STK3: variants seen among roughly 807,000 people sequenced by gnomAD.
The protein encoded by STK3 is serine/threonine kinase 3, also known as serine/threonine-protein kinase 3.
Under a neutral mutation model 58.0 loss-of-function variants are expected in STK3, and 41 were observed. That is an observed-to-expected ratio of 0.71 (90% CI 0.55 to 0.92). The LOEUF (loss-of-function observed/expected upper bound fraction) is 0.92, where lower values mean the gene tolerates loss of function less well. STK3 is among the 40% of genes least tolerant of loss of function. The pLI is 0.00. For synonymous variants in STK3, 170 were observed against 191.0 expected (o/e 0.89, Z 0.91); for missense variants, 479 against 602.7 (o/e 0.79, Z 2.15).
At chr8:98,628,788 G>T (rs1180983349) in intron 6 of STK3, among the ~76,000 whole-genome samples, 3 of 112,228 alleles carry the variant, frequency 2.7e-5, no homozygotes, top group African/African-American at 7.5e-5. Flanking sequence ...GGCAATAGAG[G>T]AATATCCTGT....
intron 3 of STK3, among the ~76,000 whole-genome samples, chr8:98,845,128 T>G (rs1366813655): frequency 6.6e-6 from 1 of 152,204 alleles, no homozygotes; most frequent in African/African-American, 2.4e-5. Context: ...TCTAATAACT[T>G]TCTTTTTTTA....
intron 1 of STK3, among the ~76,000 whole-genome samples, chr8:98,808,447 T>A (rs903305176): frequency 6.6e-6 from 1 of 152,358 alleles, no homozygotes; most frequent in African/African-American, 2.4e-5. Context: ...GTGGACAGGT[T>A]GTAACTTCTG....
At chr8:98,863,084 G>T (rs1038409898) in intron 3 of STK3, among the ~76,000 whole-genome samples, 1 of 152,196 alleles carries the variant, frequency 6.6e-6, no homozygotes, top group Non-Finnish European at 1.5e-5. Context: ...TCTGGGTGGA[G>T]ACATGGTCGA....
intron 7 of STK3, among the ~76,000 whole-genome samples, chr8:98,591,011 A>G (rs562608247): frequency 1.3e-5 from 2 of 152,284 alleles, no homozygotes; most frequent in Non-Finnish European, 2.9e-5. Flanking sequence ...GCTAATCTTA[A>G]AATGCCTTTA....
At chr8:98,567,045 C>A (rs1812536241) in intron 8 of STK3, among the ~76,000 whole-genome samples, 1 of 152,054 alleles carries the variant, frequency 6.6e-6, no homozygotes, top group Admixed American at 6.6e-5. Flanking sequence ...TGAACACAAA[C>A]AAGAGGTTGC....
chr8:98,641,339 T>G (rs2096637460), intron 6 of STK3, among the ~76,000 whole-genome samples: 1 of 152,212 alleles, frequency 6.6e-6, no homozygotes, highest in Admixed American at 6.5e-5. Context: ...GCAAAGGTGT[T>G]GGTTGACTGC....
chr8:98,696,253 T>G (rs992433747), intron 6 of STK3, among the ~76,000 whole-genome samples: 1 of 152,224 alleles, frequency 6.6e-6, no homozygotes, highest in Non-Finnish European at 1.5e-5. Context: ...AGGGAGATTT[T>G]GGGCTGAGAC....
At chr8:98,601,447 G>C (rs533750897) in intron 6 of STK3, 2 of 152,118 alleles carry the variant, frequency 1.3e-5, no homozygotes. Flanking sequence ...AACACTTAAA[G>C]AACTTTATCA....
intron 6 of STK3, among the ~76,000 whole-genome samples, chr8:98,609,729 C>G (rs12680602): frequency 0.32 from 48,010 of 151,904 alleles, 7,969 homozygotes; most frequent in East Asian, 0.46. Flanking sequence ...GGGAGGCTGA[C>G]GCGGGTGGAT....
intron 1 of STK3, among the ~76,000 whole-genome samples, chr8:98,824,229 C>T (rs1835100231): frequency 1.3e-5 from 2 of 152,210 alleles, no homozygotes; most frequent in South Asian, 4.1e-4. Flanking sequence ...AAAAGTGCAA[C>T]CACCACTTTG....
chr8:98,415,565 A>G (rs915146176), intron 3 of STK3, among the ~76,000 whole-genome samples: 1 of 152,182 alleles, frequency 6.6e-6, no homozygotes, highest in Non-Finnish European at 1.5e-5. Context: ...TGTGCCTGCA[A>G]CCACAATTCT....
chr8:98,514,303 T>C lies in STK3; in HGVS notation c.1317+12439A>G, dbSNP rs796506730. On this transcript the variant is annotated intron_variant, in intron 10 of 10. Coordinates refer to ENST00000419617, the MANE Select transcript of STK3 (RefSeq NM_006281.4). ...AGTGACCAAAAAGTTGTAGCATTTG[T>C]CCAAAGGCATAGTTAAGAGTCAGAA... 5.3e-5 allele frequency among the ~76,000 whole-genome samples: 8 copies of C among 152,188 alleles called. 1 individual carries two copies. The highest frequency in any genetic ancestry group is 1.7e-4 in the African/African-American group (7 of 41,538).
chr8:98,752,941 A>G (rs908361589), intron 3 of STK3, among the ~76,000 whole-genome samples: 2 of 137,696 alleles, frequency 1.5e-5, no homozygotes, highest in African/African-American at 5.0e-5. Context: ...CTATTATTAA[A>G]AAGTCAAAAA....
At chr8:98,344,067 G>C in the STK3 span, among the ~76,000 whole-genome samples, 4 of 152,158 alleles carry the variant, frequency 2.6e-5, no homozygotes, top group African/African-American at 9.7e-5. Flanking sequence ...TGAAAGGATG[G>C]TTACTAAAAT....
intron 3 of STK3, among the ~76,000 whole-genome samples, chr8:98,754,654 C>T (rs1029978734): frequency 1.3e-5 from 2 of 151,956 alleles, no homozygotes; most frequent in South Asian, 2.1e-4. Flanking sequence ...GGATTACAGG[C>T]CTGTGTCACC....
chr8:98,637,705 T>A (rs964078168), intron 6 of STK3, among the ~76,000 whole-genome samples: 8 of 152,188 alleles, frequency 5.3e-5, no homozygotes, highest in Non-Finnish European at 1.2e-4. Flanking sequence ...TAAAAAAGTA[T>A]AATAATCCTT....
chr8:98,730,432 T>C (rs1038550111), intron 4 of STK3, among the ~76,000 whole-genome samples: 1 of 152,110 alleles, frequency 6.6e-6, no homozygotes, highest in East Asian at 1.9e-4. Flanking sequence ...TTTTAAGACA[T>C]AAAGGCCAGG....
At chr8:98,421,352 C>A (rs2131055622) in intron 3 of STK3, among the ~76,000 whole-genome samples, 1 of 152,296 alleles carries the variant, frequency 6.6e-6, no homozygotes, top group East Asian at 1.9e-4. Context: ...GGAAAGATGG[C>A]CAGACCCCTG....
At chr8:98,759,960 T>A (rs984334680) in intron 3 of STK3, among the ~76,000 whole-genome samples, 4 of 152,194 alleles carry the variant, frequency 2.6e-5, no homozygotes, top group Admixed American at 2.6e-4. Context: ...ATGTCTAGAT[T>A]ACTTATTACA....
Sources: gnomAD v4.1 joint callset for allele counts (sites outside exome capture counted in the v4.1 genomes callset) on GRCh38, gnomAD v4.1.1 for gene constraint, MANE v1.5 for transcripts, NCBI Gene and HGNC (gene_info 2026-07-23, HGNC 2026-07-21) for gene names.